The following LRP1B variants were observed in gnomAD, a reference collection of about 807,000 sequenced individuals.
The protein encoded by LRP1B is LDL receptor related protein 1B, also known as low-density lipoprotein receptor-related protein 1B.
Under a neutral mutation model 556.6 loss-of-function variants are expected in LRP1B, and 217 were observed. That is an observed-to-expected ratio of 0.39 (90% confidence interval 0.35 to 0.44). The LOEUF (loss-of-function observed/expected upper bound fraction) is 0.44, where lower values mean the gene tolerates loss of function less well. LRP1B is among the 20% of genes least tolerant of loss of function. The pLI is 1.00. For missense variants in LRP1B, 5,053 were observed against 5,620.8 expected (o/e 0.90, Z 3.23); for synonymous variants, 2,047 against 1,865.8 (o/e 1.10, Z -2.50).
At chr2:141,208,563 T>C (rs2105244360) in intron 6 of LRP1B, among the ~76,000 whole-genome samples, 1 of 152,006 alleles carries the variant, frequency 6.6e-6, no homozygotes, top group East Asian at 1.9e-4. Context: ...ATGCAGTAAA[T>C]ATATTAAAAA....
intron 5 of LRP1B, among the ~76,000 whole-genome samples, chr2:141,245,462 T>A (rs1684032236): frequency 6.6e-6 from 1 of 152,158 alleles, no homozygotes; most frequent in Non-Finnish European, 1.5e-5. Context: ...GAGAAGAAAT[T>A]TCATGCTTAA....
intron 2 of LRP1B, among the ~76,000 whole-genome samples, chr2:141,590,221 G>A (rs1256889666): frequency 6.6e-6 from 1 of 152,168 alleles, no homozygotes; most frequent in African/African-American, 2.4e-5. Context: ...GACATAATGA[G>A]TTGTTCTTTC....
At chr2:140,526,419 T>C in intron 47 of LRP1B, 69 bp from the exon 48 acceptor site, 1 of 978,340 alleles carries the variant, frequency 1.0e-6, no homozygotes, top group Non-Finnish European at 1.6e-6. Flanking sequence ...ACATTTTGAA[T>C]ATTTCAATTA....
chr2:142,012,301 T>A (rs981788671), intron 1 of LRP1B, among the ~76,000 whole-genome samples: 1 of 152,168 alleles, frequency 6.6e-6, no homozygotes, highest in African/African-American at 2.4e-5. Context: ...TGTCTGACTC[T>A]ATTAAATCAA....
At chr2:141,343,261 T>C (rs72846038) in intron 3 of LRP1B, among the ~76,000 whole-genome samples, 15,045 of 152,278 alleles carry the variant, frequency 0.099, 917 homozygotes, top group Admixed American at 0.17. Flanking sequence ...CTTTGCATAA[T>C]TTCTTTATCT....
At chr2:141,503,451 G>A (rs1023226863) in intron 2 of LRP1B, among the ~76,000 whole-genome samples, 1 of 151,756 alleles carries the variant, frequency 6.6e-6, no homozygotes, top group Non-Finnish European at 1.5e-5. Flanking sequence ...AATATCAATT[G>A]CCAAGTCTAA....
intron 2 of LRP1B, among the ~76,000 whole-genome samples, chr2:141,639,389 T>TAC (rs1307813684): frequency 3.6e-5 from 3 of 84,264 alleles, no homozygotes; most frequent in Non-Finnish European, 8.3e-5. Flanking sequence ...CATATATATA[T>TAC]ACACATATAT....
chr2:141,300,473 C>T (rs1224909369), intron 3 of LRP1B, among the ~76,000 whole-genome samples: 1 of 152,124 alleles, frequency 6.6e-6, no homozygotes, highest in African/African-American at 2.4e-5. Context: ...CTAGGTAAAC[C>T]TAAACTAATC....
intron 60 of LRP1B, among the ~76,000 whole-genome samples, chr2:140,471,638 T>G (rs1687774368): frequency 6.6e-6 from 1 of 152,196 alleles, no homozygotes; most frequent in Non-Finnish European, 1.5e-5. Context: ...ACTTCAAACA[T>G]TTTCTCCTAA....
intron 3 of LRP1B, among the ~76,000 whole-genome samples, chr2:141,337,950 C>T (rs148751807): frequency 2.0e-5 from 3 of 152,014 alleles, no homozygotes; most frequent in South Asian, 2.1e-4. Flanking sequence ...GTATATTTTC[C>T]GAATGATGTT....
At chr2:140,769,688 T>C (rs1487438387) in intron 34 of LRP1B, among the ~76,000 whole-genome samples, 1 of 151,956 alleles carries the variant, frequency 6.6e-6, no homozygotes, top group Non-Finnish European at 1.5e-5. Context: ...AGCACTGAGT[T>C]AGATGATTTG....
intron 1 of LRP1B, among the ~76,000 whole-genome samples, chr2:142,120,101 T>C (rs1707405228): frequency 8.1e-6 from 1 of 122,800 alleles, no homozygotes. Context: ...CACTCACTTC[T>C]TTACTACAGG....
At chr2:140,783,381 G>A (rs911170392) in intron 32 of LRP1B, among the ~76,000 whole-genome samples, 1 of 148,248 alleles carries the variant, frequency 6.7e-6, no homozygotes, top group Non-Finnish European at 1.5e-5. Context: ...ACAAAAAAAA[G>A]TCTTGTTATT....
chr2:141,650,316 G>A (rs1378699375), intron 2 of LRP1B, among the ~76,000 whole-genome samples: 9 of 152,174 alleles, frequency 5.9e-5, no homozygotes, highest in Non-Finnish European at 2.9e-5. Context: ...ACTTCTTTGT[G>A]AGTATGGTTT....
At chr2:141,888,998 CACTACAAAA>C (rs1182964559) in intron 1 of LRP1B, among the ~76,000 whole-genome samples, 2 of 152,046 alleles carry the variant, frequency 1.3e-5, no homozygotes, top group Admixed American at 6.6e-5. Context: ...ACCTGAAAAG[CACTACAAAA>C]ACCAGTGTGT....
intron 10 of LRP1B, among the ~76,000 whole-genome samples, chr2:141,050,356 T>G (rs1211774250): frequency 6.6e-6 from 1 of 152,080 alleles, no homozygotes; most frequent in Non-Finnish European, 1.5e-5. Flanking sequence ...TACTTTAAGT[T>G]CTGGGTACAT....
chr2:141,242,961 C>T (rs1310657190), intron 5 of LRP1B, among the ~76,000 whole-genome samples: 1 of 152,038 alleles, frequency 6.6e-6, no homozygotes, highest in Non-Finnish European at 1.5e-5. Flanking sequence ...ACATTCAATA[C>T]ATATTTTTAT....
chr2:141,929,601 G>T (rs1422127485), intron 1 of LRP1B, among the ~76,000 whole-genome samples: 1 of 151,912 alleles, frequency 6.6e-6, no homozygotes, highest in African/African-American at 2.4e-5. Flanking sequence ...ACGGTCTGTT[G>T]TAGTTTTAGA....
At chr2:141,024,178 G>C (rs1698149090) in intron 11 of LRP1B, among the ~76,000 whole-genome samples, 1 of 151,972 alleles carries the variant, frequency 6.6e-6, no homozygotes, top group African/African-American at 2.4e-5. Flanking sequence ...AAATTTGCTT[G>C]CTGAATAAGC....
Sources: allele counts gnomAD v4.1 joint callset (sites outside exome capture counted in the v4.1 genomes callset), GRCh38; gene constraint gnomAD v4.1.1; transcripts MANE v1.5; gene names NCBI Gene and HGNC (gene_info 2026-07-23, HGNC 2026-07-21).